SLC36A3: variants seen among roughly 807,000 people sequenced by gnomAD.
The protein encoded by SLC36A3 is solute carrier family 36 member 3.
In SLC36A3, 35 loss-of-function variants were observed where a neutral mutation model predicts 44.3. That is an observed-to-expected ratio of 0.79 (90% CI 0.60 to 1.05). The LOEUF (loss-of-function observed/expected upper bound fraction) is 1.05, where lower values mean the gene tolerates loss of function less well. Among genes scored for constraint, SLC36A3 ranks in the 50% least tolerant of loss-of-function variants. SLC36A3 has a pLI of 0.00. For synonymous variants in SLC36A3, 211 were observed against 227.6 expected, an observed-to-expected ratio of 0.93 and a Z score of 0.66; for missense variants, 540 against 578.7, an observed-to-expected ratio of 0.93 and a Z score of 0.69.
chr5:151,277,697 T>G (rs771413119), intron 9 of SLC36A3, 36 bp from the exon 10 acceptor site: 25 of 1,599,408 alleles, frequency 1.6e-5, no homozygotes, highest in Non-Finnish European at 2.0e-5. Flanking sequence ...TCACTGAATG[T>G]GCTCAGAAAC....
At position 151,303,434 on chromosome 5, in the gene SLC36A3, C is replaced by A; in HGVS notation, c.-80G>T. On this transcript the variant is annotated 5_prime_UTR_variant, in exon 1 of 10. Coordinates refer to ENST00000335230, the MANE Select transcript of SLC36A3 (RefSeq NM_181774.4). ...TCTGATGGGTCTTTCTCCAGAGAAACCATGGCTGCTGACCTGAGATGCTGG... is the reference window on the plus strand; with the variant it reads ...TCTGATGGGTCTTTCTCCAGAGAAAACATGGCTGCTGACCTGAGATGCTGG... The A allele has an allele frequency of 6.8e-7, 1 of 1,478,860 alleles. No individual in the cohort carries two copies. The highest frequency in any genetic ancestry group is 2.3e-5 in the East Asian group (1 of 42,840). 91.6% of individuals were successfully genotyped at this position (1,478,860 alleles called of 1,614,324 possible).
rs777858008 is a variant in SLC36A3 at position 151,284,682 on chromosome 5, C to G, written c.738G>C (p.Leu246Phe). Residue 246 changes from leucine to phenylalanine, a missense_variant, in exon 7 of 10, where the codon TTG becomes TTC. Transcript: ENST00000335230. ...EGIPYPSNLPLMANWKTFLLF... is the reference protein window; with the variant it reads ...EGIPYPSNLPFMANWKTFLLF... ...GCAAGAAGGTCTTCCAGTTTGCCAT[C>G]AAGGGTAGGTTGCTGGGATATGGAA... 2 of 1,613,328 alleles carry G rather than the reference C, an allele frequency of 1.2e-6. No homozygotes were observed. Among genetic ancestry groups the G allele is most frequent in the African/African-American group, 2.7e-5 (2 of 75,006 alleles).
chr5:151,279,005 G>A (rs989133517), intron 9 of SLC36A3, among the ~76,000 whole-genome samples: 2 of 152,192 alleles, frequency 1.3e-5, no homozygotes, highest in African/African-American at 4.8e-5. Context: ...ATGACCCTTA[G>A]GACTTGGCCC....
intron 9 of SLC36A3, among the ~76,000 whole-genome samples, chr5:151,278,293 A>G (rs909273038): frequency 6.6e-6 from 1 of 150,606 alleles, no homozygotes; most frequent in African/African-American, 2.4e-5. Context: ...GCATTAAGCT[A>G]TCCAACCCCC....
intron 8 of SLC36A3, among the ~76,000 whole-genome samples, chr5:151,283,840 G>T (rs1407108763): frequency 6.6e-6 from 1 of 152,222 alleles, no homozygotes; most frequent in African/African-American, 2.4e-5. Flanking sequence ...CAGGCACATG[G>T]CAGAATTGCA....
intron 8 of SLC36A3, among the ~76,000 whole-genome samples, chr5:151,282,107 C>CTTTTTT (rs1221489311): frequency 2.6e-5 from 2 of 75,604 alleles, no homozygotes; most frequent in Non-Finnish European, 5.1e-5. Flanking sequence ...TTTTCTTTTT[C>CTTTTTT]TTTGTTTTTT....
chr5:151,282,350 T>G (rs1373830187), intron 8 of SLC36A3, among the ~76,000 whole-genome samples: 4 of 152,000 alleles, frequency 2.6e-5, no homozygotes, highest in Non-Finnish European at 5.9e-5. Flanking sequence ...ATATTTTTAG[T>G]AGAGACGGGG....
At position 151,287,382 on chromosome 5, in the gene SLC36A3, A is replaced by G; in HGVS notation, c.572T>C (p.Phe191Ser). The G allele has an allele frequency of 1.2e-6, 2 of 1,614,174 alleles. No homozygotes were observed. Among genetic ancestry groups the G allele is most frequent in the South Asian group, 2.2e-5 (2 of 91,084 alleles). Residue 191 changes from phenylalanine (F) to serine (S), a missense_variant, in exon 6 of 10, where the codon TTC becomes TCC. Transcript: ENST00000335230. The part of the protein sequence containing the change: ...LTLTPILDIR[F>S]YMLIILPFLI... ...GAAGGGCAGGATTATCAGCATGTAG[A>G]AACGAATGTCCAGGATGGGGGTCAG...
chr5:151,280,698 A>T (rs989094317), intron 9 of SLC36A3, among the ~76,000 whole-genome samples: 1 of 152,200 alleles, frequency 6.6e-6, no homozygotes, highest in East Asian at 1.9e-4. Flanking sequence ...ATGGTAATAC[A>T]TTGTTAGGCT....
Position 151,298,626 on chromosome 5 carries a change from C to T in SLC36A3, c.186G>A (p.Gly62=), listed in dbSNP as rs1180184237. 1 of 1,614,196 alleles carries T rather than the reference C, an allele frequency of 6.2e-7. No individual in the cohort carries two copies. Among genetic ancestry groups the T allele is most frequent in the South Asian group, 1.1e-5 (1 of 91,082 alleles). ...LKCNIGTGLL[G]LPLAIKNAGL... ...CGGCATTCTTTATGGCCAGGGGAAG[C>T]CCCAGGAGCCCTGTGCCAATGTTGC... Residue 62 remains glycine (G), a synonymous_variant, in exon 2 of 10, where the codon GGG becomes GGA. Transcript: ENST00000335230.
intron 1 of SLC36A3, among the ~76,000 whole-genome samples, chr5:151,302,036 A>G (rs1326769959): frequency 6.6e-6 from 1 of 152,262 alleles, no homozygotes; most frequent in Admixed American, 6.5e-5. Context: ...ATAAAACGCA[A>G]TAATCCAAAT....
intron 3 of SLC36A3, among the ~76,000 whole-genome samples, chr5:151,295,086 A>T (rs1397818110): frequency 2.0e-5 from 3 of 152,204 alleles, no homozygotes; most frequent in South Asian, 4.1e-4. Flanking sequence ...AAATCAGAGA[A>T]AGGCTTTCAG....
At chr5:151,292,414 G>A (rs1754792589) in intron 4 of SLC36A3, among the ~76,000 whole-genome samples, 1 of 152,094 alleles carries the variant, frequency 6.6e-6, no homozygotes, top group Non-Finnish European at 1.5e-5. Context: ...TCCAATGTTA[G>A]GTTCTTGGTC....
intron 4 of SLC36A3, among the ~76,000 whole-genome samples, chr5:151,292,114 G>A (rs1413833341): frequency 1.3e-5 from 2 of 152,246 alleles, no homozygotes; most frequent in Admixed American, 1.3e-4. Flanking sequence ...ACCCACCTCA[G>A]CCTCCCAAAG....
chr5:151,287,681 C>T (rs1000416778), intron 5 of SLC36A3, among the ~76,000 whole-genome samples: 6 of 152,272 alleles, frequency 3.9e-5, no homozygotes, highest in South Asian at 2.1e-4. Flanking sequence ...GCAACCCTGT[C>T]GGGCCCATGA....
intron 3 of SLC36A3, among the ~76,000 whole-genome samples, chr5:151,294,739 C>G (rs998495012): frequency 6.6e-6 from 1 of 151,878 alleles, no homozygotes; most frequent in Non-Finnish European, 1.5e-5. Flanking sequence ...AAGCGATTCT[C>G]CTGCCTCAGC....
Position 151,295,858 on chromosome 5 carries a change from G to T in SLC36A3, c.308+322C>A, listed in dbSNP as rs1561638392. Among the ~76,000 whole-genome samples the T allele has an allele frequency of 2.0e-5, 3 of 152,190 alleles. No homozygotes were observed. In the South Asian group the frequency reaches 6.2e-4, roughly 31 times the overall value. On this transcript the variant is annotated intron_variant, in intron 3 of 9. Coordinates refer to ENST00000335230, the MANE Select transcript of SLC36A3 (RefSeq NM_181774.4). ...GAGAGGCTAAAAGGAAGAGAAGAAA[G>T]TCTCTGTCTCAAATAAATAGAGTAA... is the stretch of plus-strand genomic sequence containing the variant.
chr5:151,299,643 A>G, intron 1 of SLC36A3, among the ~76,000 whole-genome samples: 1 of 152,062 alleles, frequency 6.6e-6, no homozygotes, highest in Non-Finnish European at 1.5e-5. Context: ...CTTAAATAAA[A>G]AGTACATGCG....
At position 151,303,721 on chromosome 5, in the gene SLC36A3, C is replaced by A; in HGVS notation, c.-367G>T. The A allele has an allele frequency of 5.6e-6, 1 of 178,868 alleles. No homozygotes were observed. Among genetic ancestry groups the A allele is most frequent in the Non-Finnish European group, 1.2e-5 (1 of 85,146 alleles). The allele number at this position is 178,868 out of a possible 1,614,324, so 11.1% of individuals were successfully genotyped here. ...AACAGTGTGACTGGGAGGAAGAAGA[C>A]ACCATTGGATTGGAGGTCCTGGTGC... On this transcript the variant is annotated 5_prime_UTR_variant, in exon 1 of 10. Transcript: ENST00000335230.
Sources: allele counts gnomAD v4.1 joint callset (sites outside exome capture counted in the v4.1 genomes callset), GRCh38; gene constraint gnomAD v4.1.1; transcripts MANE v1.5; gene names NCBI Gene and HGNC (gene_info 2026-07-23, HGNC 2026-07-21).